The following ACSBG1 variants were observed in gnomAD, a reference collection of about 807,000 sequenced individuals.
The protein encoded by ACSBG1 is long-chain-fatty-acid--CoA ligase ACSBG1.
A neutral mutation model predicts 80.2 loss-of-function variants in ACSBG1; 39 were observed. The ratio of observed to expected loss-of-function variants is 0.49; its 90% CI spans 0.38 to 0.64. The LOEUF (loss-of-function observed/expected upper bound fraction) is 0.64, where lower values mean the gene tolerates loss of function less well. ACSBG1 is among the 30% of genes least tolerant of loss of function. The pLI, the probability that ACSBG1 is intolerant of heterozygous loss-of-function variation, is 0.00. For synonymous variants in ACSBG1, 392 were observed against 379.5 expected (o/e 1.03, Z -0.38); for missense variants, 828 against 966.4 (o/e 0.86, Z 1.90).
chr15:78,201,899 G>A (rs1164762799), intron 2 of ACSBG1, among the ~76,000 whole-genome samples: 1 of 152,198 alleles, frequency 6.6e-6, no homozygotes, highest in African/African-American at 2.4e-5. Context: ...CCTGGCCAGA[G>A]GCTCATGAAG....
At chr15:78,179,854 A>ACAC in intron 9 of ACSBG1, 74 bp from the exon 10 acceptor site, 2 of 1,084,138 alleles carry the variant, frequency 1.8e-6, no homozygotes, top group Non-Finnish European at 1.3e-6. Flanking sequence ...TACACACATT[A>ACAC]AAAGGGTGGT....
intron 2 of ACSBG1, among the ~76,000 whole-genome samples, chr15:78,196,592 C>A (rs184435525): frequency 9.9e-5 from 15 of 152,214 alleles, no homozygotes; most frequent in African/African-American, 3.1e-4. Flanking sequence ...ACAGTACGAC[C>A]CAACAACTCC....
intron 2 of ACSBG1, 61 bp downstream of exon 2, chr15:78,207,941 G>GCACACCC (rs2141367386): frequency 4.4e-6 from 2 of 452,148 alleles, no homozygotes; most frequent in South Asian, 3.5e-5. Flanking sequence ...CACCCCTCCA[G>GCACACCC]CACACCCAGC....
chr15:78,223,991 C>A (rs2075380016), intron 1 of ACSBG1, among the ~76,000 whole-genome samples: 1 of 152,166 alleles, frequency 6.6e-6, no homozygotes, highest in Non-Finnish European at 1.5e-5. Context: ...TGTCCTAGAG[C>A]CCCTGGAGGA....
At chr15:78,190,424 G>A (rs2075046836) in intron 5 of ACSBG1, among the ~76,000 whole-genome samples, 1 of 149,036 alleles carries the variant, frequency 6.7e-6, no homozygotes, top group African/African-American at 2.5e-5. Context: ...TTGCAATCAT[G>A]GCTCACTGCA....
intron 11 of ACSBG1, chr15:78,174,884 A>G: frequency 3.1e-6 from 1 of 322,608 alleles, no homozygotes; most frequent in Non-Finnish European, 5.9e-6. Context: ...CCTGTCACTC[A>G]CACAGCACTC....
rs1274102422 is a variant in ACSBG1, at chr15:78,193,612, C to A, written c.557G>T (p.Gly186Val). ...GTVFAGGIVT[G>V]IYTTSSPEAC... ...CTCTGGGGAGCTGGTGGTGTAGATGCCAGTGACGATGCCACTGTAGGAGAC... is the reference window on the plus strand; with the variant it reads ...CTCTGGGGAGCTGGTGGTGTAGATGACAGTGACGATGCCACTGTAGGAGAC... Residue 186 changes from glycine to valine, a missense_variant, in exon 5 of 14, where the codon GGC becomes GTC. Transcript: ENST00000258873. 1.2e-6 allele frequency: 2 copies of A among 1,611,408 alleles called. No homozygotes were observed. The highest frequency in any genetic ancestry group is 1.7e-6 in the Non-Finnish European group (2 of 1,178,692).
At chr15:78,190,475 G>A (rs1333777859) in intron 5 of ACSBG1, among the ~76,000 whole-genome samples, 2 of 149,704 alleles carry the variant, frequency 1.3e-5, no homozygotes, top group African/African-American at 4.9e-5. Flanking sequence ...GGAGGCTGAG[G>A]TGGGAGGATT....
At chr15:78,193,692 C>T in intron 4 of ACSBG1, 66 bp from the exon 5 acceptor site, 1 of 1,552,426 alleles carries the variant, frequency 6.4e-7, no homozygotes, top group Non-Finnish European at 8.7e-7. Flanking sequence ...TCCCCCACCC[C>T]CACATCTGTA....
intron 2 of ACSBG1, among the ~76,000 whole-genome samples, chr15:78,198,577 A>C (rs961643441): frequency 1.5e-5 from 2 of 137,332 alleles, no homozygotes; most frequent in Non-Finnish European, 3.2e-5. Flanking sequence ...TGAACTCCTG[A>C]CCTCAGGTGA....
intron 8 of ACSBG1, 53 bp downstream of exon 8, chr15:78,181,916 G>A (rs969325741): frequency 6.3e-7 from 1 of 1,582,552 alleles, no homozygotes. Context: ...AGACACATGT[G>A]GACGTGGCCT....
At chr15:78,215,423 G>A (rs577132761) in intron 1 of ACSBG1, among the ~76,000 whole-genome samples, 4 of 152,290 alleles carry the variant, frequency 2.6e-5, no homozygotes, top group East Asian at 3.9e-4. Flanking sequence ...TTGGGAGGCC[G>A]AGGCGGGTGG....
At chr15:78,225,573 A>G (rs2075394190) in intron 1 of ACSBG1, among the ~76,000 whole-genome samples, 1 of 152,196 alleles carries the variant, frequency 6.6e-6, no homozygotes, top group Admixed American at 6.6e-5. Flanking sequence ...AAAGACCTCA[A>G]TTAATGGAAA....
intron 11 of ACSBG1, 87 bp from the exon 12 acceptor site, chr15:78,174,611 A>C: frequency 6.7e-7 from 1 of 1,487,458 alleles, no homozygotes; most frequent in Non-Finnish European, 9.0e-7. Flanking sequence ...CACAACCCGG[A>C]AGCCTCAGCA....
chr15:78,211,204 A>G (rs1010828879), intron 1 of ACSBG1, among the ~76,000 whole-genome samples: 4 of 152,240 alleles, frequency 2.6e-5, no homozygotes, highest in African/African-American at 9.6e-5. Context: ...TCTTGCTGCT[A>G]TTCCAGGAAG....
intron 1 of ACSBG1, chr15:78,212,744 C>T (rs2075277910): frequency 2.9e-6 from 1 of 350,642 alleles, no homozygotes; most frequent in Admixed American, 3.3e-5. Context: ...AGAGATACAG[C>T]GTGAGTCACC....
At chr15:78,174,566 A>C (rs780539729) in intron 11 of ACSBG1, 42 bp from the exon 12 acceptor site, 2 of 1,589,604 alleles carry the variant, frequency 1.3e-6, no homozygotes, top group Non-Finnish European at 1.7e-6. Flanking sequence ...AATGTAGTCC[A>C]GGTGCCCCAG....
At chr15:78,196,184 G>A (rs891895005) in intron 2 of ACSBG1, among the ~76,000 whole-genome samples, 1 of 152,216 alleles carries the variant, frequency 6.6e-6, no homozygotes, top group Non-Finnish European at 1.5e-5. Flanking sequence ...GGCCATGAGG[G>A]AGCCCTGAGC....
At position 78,168,617 on chromosome 15, in the gene ACSBG1, A is replaced by G. The variant is rs2074779127; in HGVS notation, c.*2827T>C. 1 of 227,736 alleles carries G rather than the reference A, an allele frequency of 4.4e-6. No individual in the cohort carries two copies. The highest frequency in any genetic ancestry group is 2.3e-5 in the African/African-American group (1 of 44,438). 14.1% of individuals were successfully genotyped at this position (227,736 alleles called of 1,614,324 possible). ...GCTTTTATTTAAATATCCATGACCA[A>G]CTAATCTGGGTTAGGGTCTATTGTG... On this transcript the variant is annotated 3_prime_UTR_variant, in exon 14 of 14. Transcript: ENST00000258873.
Sources: gnomAD v4.1 joint callset for allele counts (sites outside exome capture counted in the v4.1 genomes callset) on GRCh38, gnomAD v4.1.1 for gene constraint, MANE v1.5 for transcripts, NCBI Gene and HGNC (gene_info 2026-07-23, HGNC 2026-07-21) for gene names.